The following PRKAR1A variants were observed in gnomAD, a reference collection of about 807,000 sequenced individuals.
PRKAR1A encodes the protein cAMP-dependent protein kinase type I-alpha regulatory subunit.
PRKAR1A carries 3 observed loss-of-function variants against 52.0 expected under a neutral mutation model. The observed-to-expected ratio is 0.06, with a 90% CI of 0.03 to 0.15. PRKAR1A has a LOEUF of 0.15. Ranked by LOEUF, PRKAR1A falls within the 10% of genes least tolerant of loss-of-function variation. The probability of loss-of-function intolerance (pLI) is 1.00; values close to 1 mark genes in which losing one functional copy is unlikely to be tolerated. For synonymous variants in PRKAR1A, 188 were observed against 168.4 expected (o/e 1.12, Z -0.90); for missense variants, 240 against 477.4 (o/e 0.50, Z 4.63).
intron 11 of PRKAR1A, chr17:68,539,826 G>A (rs1307013389): frequency 6.5e-7 from 1 of 1,544,208 alleles, no homozygotes; most frequent in Non-Finnish European, 8.9e-7. Context: ...CGAGCAGCTG[G>A]CTGCACAGAG....
At chr17:68,515,131 A>G (rs2085389077) in intron 1 of PRKAR1A, 1 of 482,738 alleles carries the variant, frequency 2.1e-6, no homozygotes, top group Admixed American at 3.3e-5. Context: ...TTAGTGGCTC[A>G]TACTTCCTCC....
the PRKAR1A span, chr17:68,435,562 G>T: frequency 1.3e-6 from 2 of 1,530,106 alleles, no homozygotes; most frequent in Non-Finnish European, 1.8e-6. Context: ...CCATCCCTGC[G>T]CACGGCAGGA....
chr17:68,434,763 ATGTT>A, the PRKAR1A span: 1 of 761,568 alleles, frequency 1.3e-6, no homozygotes. Context: ...GCATAGAGGC[ATGTT>A]TATTTATGTG....
chr17:68,503,149 A>C, the PRKAR1A span, among the ~76,000 whole-genome samples: 1 of 152,358 alleles, frequency 6.6e-6, no homozygotes, highest in African/African-American at 2.4e-5. Context: ...GGGAACTATA[A>C]ATTAAAACAA....
At chr17:68,519,653 C>T (rs2085541976) in intron 2 of PRKAR1A, among the ~76,000 whole-genome samples, 1 of 152,170 alleles carries the variant, frequency 6.6e-6, no homozygotes, top group African/African-American at 2.4e-5. Context: ...TTTCTGTTAC[C>T]TTCAACTACT....
the PRKAR1A span, among the ~76,000 whole-genome samples, chr17:68,430,626 T>C: frequency 6.6e-6 from 1 of 152,200 alleles, no homozygotes; most frequent in East Asian, 1.9e-4. Flanking sequence ...CTTTGGGTGG[T>C]GTTTGATTGT....
At chr17:68,549,397 G>A (rs1033430875) in intron 11 of PRKAR1A, among the ~76,000 whole-genome samples, 1 of 151,978 alleles carries the variant, frequency 6.6e-6, no homozygotes, top group Non-Finnish European at 1.5e-5. Context: ...GGGAGGCTGA[G>A]GCAGGATAAT....
At chr17:68,489,452 AT>A in the PRKAR1A span, among the ~76,000 whole-genome samples, 1 of 142,090 alleles carries the variant, frequency 7.0e-6, no homozygotes, top group Non-Finnish European at 1.5e-5. Flanking sequence ...ATATATATAT[AT>A]AAATGGAAAA....
chr17:68,516,057 C>G (rs2085422993), intron 2 of PRKAR1A, among the ~76,000 whole-genome samples: 1 of 151,992 alleles, frequency 6.6e-6, no homozygotes, highest in Admixed American at 6.5e-5. Flanking sequence ...TAGATTCGGT[C>G]TATTTTAGTA....
In PRKAR1A at chr17:68,531,382, C is replaced by G; in HGVS notation, c.*933C>G. ...ATCTCCTCTGCTCATTAAACTGATT[C>G]CAGGAGATTGGATTTGCTGTGACTA... is the stretch of plus-strand genomic sequence containing the variant. On this transcript the variant is annotated 3_prime_UTR_variant, in exon 11 of 11. Transcript: ENST00000589228. 4 of 1,065,690 alleles carry G rather than the reference C, an allele frequency of 3.8e-6. No individual in the cohort carries two copies. The highest frequency in any genetic ancestry group is 4.5e-6 in the Non-Finnish European group (4 of 879,448). The allele number at this position is 1,065,690 out of a possible 1,614,324, so 66.0% of individuals were successfully genotyped here.
In PRKAR1A at chr17:68,532,328, T is replaced by C; in HGVS notation, c.*1879T>C. On this transcript the variant is annotated 3_prime_UTR_variant, in exon 11 of 11. Coordinates refer to ENST00000589228, the MANE Select transcript of PRKAR1A (RefSeq NM_002734.5). ...ATAAAATTGCAGTTTCATGTATGTA[T>C]ATAATCATGCTCATGTATATTTAGT... The C allele has an allele frequency of 9.5e-7, 1 of 1,054,090 alleles. No individual in the cohort carries two copies. The highest frequency in any genetic ancestry group is 1.2e-6 in the Non-Finnish European group (1 of 868,880). 65.3% of individuals were successfully genotyped at this position (1,054,090 alleles called of 1,614,324 possible).
At chr17:68,475,795 T>A in the PRKAR1A span, among the ~76,000 whole-genome samples, 6 of 152,224 alleles carry the variant, frequency 3.9e-5, no homozygotes, top group Middle Eastern at 3.2e-3. Flanking sequence ...CTTTTCGTTG[T>A]ATCTCAGGTC....
the PRKAR1A span, among the ~76,000 whole-genome samples, chr17:68,473,514 A>T: frequency 1.3e-4 from 19 of 151,908 alleles, no homozygotes; most frequent in Non-Finnish European, 2.5e-4. Context: ...GACCTATTTT[A>T]TTATTTATTT....
At chr17:68,429,789 A>G in the PRKAR1A span, among the ~76,000 whole-genome samples, 9 of 152,000 alleles carry the variant, frequency 5.9e-5, no homozygotes, top group Non-Finnish European at 1.3e-4. Context: ...GGATTTCACC[A>G]CGTTGGCCAG....
intron 11 of PRKAR1A, among the ~76,000 whole-genome samples, chr17:68,545,615 A>C (rs1023810496): frequency 7.9e-5 from 12 of 152,322 alleles, no homozygotes; most frequent in African/African-American, 2.9e-4. Context: ...GCAACTTTTA[A>C]AAATAAGACA....
chr17:68,433,341 T>C, the PRKAR1A span: 1 of 905,202 alleles, frequency 1.1e-6, no homozygotes, highest in Non-Finnish European at 1.7e-6. Flanking sequence ...CTCCATCACT[T>C]AGGTGAAGTC....
chr17:68,466,108 C>G, the PRKAR1A span, among the ~76,000 whole-genome samples: 1 of 152,150 alleles, frequency 6.6e-6, no homozygotes, highest in Non-Finnish European at 1.5e-5. Context: ...TGCAAATGGG[C>G]CTGTGTTATC....
chr17:68,531,396 T>A lies in PRKAR1A; in HGVS notation c.*947T>A. On this transcript the variant is annotated 3_prime_UTR_variant, in exon 11 of 11. Coordinates refer to ENST00000589228, the MANE Select transcript of PRKAR1A (RefSeq NM_002734.5). Reference sequence around the variant, plus strand: ...TTAAACTGATTCCAGGAGATTGGATTTGCTGTGACTAGATACAGATGGAGC... The same window carrying A: ...TTAAACTGATTCCAGGAGATTGGATATGCTGTGACTAGATACAGATGGAGC... The A allele has an allele frequency of 4.7e-6, 5 of 1,065,892 alleles. No individual in the cohort carries two copies. The highest frequency in any genetic ancestry group is 5.7e-6 in the Non-Finnish European group (5 of 879,536). The allele number at this position is 1,065,892 out of a possible 1,614,324, so 66.0% of individuals were successfully genotyped here.
chr17:68,500,874 C>T, the PRKAR1A span, among the ~76,000 whole-genome samples: 1 of 152,128 alleles, frequency 6.6e-6, no homozygotes, highest in Non-Finnish European at 1.5e-5. Flanking sequence ...CGTGAAAGTG[C>T]TCAGGTAAGG....
Sources: gnomAD v4.1 joint callset for allele counts (sites outside exome capture counted in the v4.1 genomes callset) on GRCh38, gnomAD v4.1.1 for gene constraint, MANE v1.5 for transcripts, NCBI Gene and HGNC (gene_info 2026-07-23, HGNC 2026-07-21) for gene names.